ARAP2: variants seen among roughly 807,000 people sequenced by gnomAD.
ARAP2 encodes the protein ArfGAP with RhoGAP domain, ankyrin repeat and PH domain 2.
A neutral mutation model predicts 194.5 loss-of-function variants in ARAP2; 148 were observed. That is an observed-to-expected ratio of 0.76 (90% CI 0.67 to 0.87). The LOEUF is 0.87. ARAP2 is among the 40% of genes least tolerant of loss of function. The probability of loss-of-function intolerance (pLI) is 0.00; values close to 1 mark genes in which losing one functional copy is unlikely to be tolerated. For missense variants in ARAP2, 2,128 were observed against 1,989.7 expected (o/e 1.07, Z -1.32); for synonymous variants, 695 against 683.5 (o/e 1.02, Z -0.26).
At position 36,091,930 on chromosome 4, in the gene ARAP2, C is replaced by T. The variant is rs777066479; in HGVS notation, c.4376G>A (p.Arg1459Gln). The T allele has an allele frequency of 3.0e-5, 49 of 1,606,904 alleles. No homozygotes were observed. The highest frequency in any genetic ancestry group is 3.5e-5 in the Non-Finnish European group (41 of 1,174,998). Residue 1459 changes from arginine (R) to glutamine (Q), a missense_variant, in exon 28 of 33, where the codon CGG becomes CAG. Arg to Gln is a conservative substitution (Grantham distance 43). Transcript: ENST00000303965. ...KILSGNKFQD[R>Q]YFVLRDGFLF... ...AAACCCATCTCGTAAAACAAAATACCGGTCTTGAAACTTATTTCCAGATAG... is the reference window on the plus strand; with the variant it reads ...AAACCCATCTCGTAAAACAAAATACTGGTCTTGAAACTTATTTCCAGATAG...
At chr4:36,020,466 A>G (rs1222972084) in intron 5 of ARAP2, among the ~76,000 whole-genome samples, 7 of 152,112 alleles carry the variant, frequency 4.6e-5, no homozygotes, top group African/African-American at 9.7e-5. Context: ...CTACTAAGCA[A>G]CTAATGGGCA....
At position 36,244,247 on chromosome 4, in the gene ARAP2, C is replaced by G. The variant is rs1467729863; in HGVS notation, c.-228G>C. 6.6e-6 allele frequency: 1 copy of G among 152,032 alleles called. No individual in the cohort carries two copies. The highest frequency in any genetic ancestry group is 1.5e-5 in the Non-Finnish European group (1 of 67,976). The allele number at this position is 152,032 out of a possible 1,614,324, so 9.4% of individuals were successfully genotyped here. ...GCTGGGAAGCTCAGCGCCGGCGTCT[C>G]TCCCAGCCTTGGGCGCTCGGTCCTC... On this transcript the variant is annotated 5_prime_UTR_variant, in exon 1 of 33. Coordinates refer to ENST00000303965, the MANE Select transcript of ARAP2 (RefSeq NM_015230.4).
intron 2 of ARAP2, among the ~76,000 whole-genome samples, chr4:36,223,677 C>T (rs1353340795): frequency 6.6e-6 from 1 of 151,864 alleles, no homozygotes; most frequent in African/African-American, 2.4e-5. Flanking sequence ...GGCCCTGTTC[C>T]AATAGAACTG....
intron 31 of ARAP2, among the ~76,000 whole-genome samples, chr4:36,076,233 T>C (rs1226654135): frequency 1.3e-5 from 2 of 152,188 alleles, no homozygotes; most frequent in Admixed American, 1.3e-4. Context: ...TGCTGTATGA[T>C]GATTTTTAAT....
chr4:36,114,065 AT>A, intron 26 of ARAP2, 104 bp downstream of exon 26: 2 of 880,766 alleles, frequency 2.3e-6, no homozygotes, highest in Admixed American at 2.5e-5. Flanking sequence ...GGTAAAAAAA[AT>A]CATAACAAGA....
intron 6 of ARAP2, among the ~76,000 whole-genome samples, chr4:36,204,237 T>C (rs1266506557): frequency 6.6e-6 from 1 of 152,152 alleles, no homozygotes; most frequent in African/African-American, 2.4e-5. Flanking sequence ...ATGTATAAAG[T>C]ATCAAAAATG....
chr4:36,166,203 T>C (rs903493937), intron 10 of ARAP2, among the ~76,000 whole-genome samples: 2 of 152,140 alleles, frequency 1.3e-5, no homozygotes, highest in Non-Finnish European at 2.9e-5. Context: ...GTTAGTCCTT[T>C]AAAGGCCTAG....
chr4:36,229,019 T>C lies in ARAP2; in HGVS notation c.468A>G (p.Ala156=), dbSNP rs1438411775. 1 of 1,614,150 alleles carries C rather than the reference T, an allele frequency of 6.2e-7. No homozygotes were observed. The change falls in exon 2 of 33, where the codon GCA becomes GCG. Residue 156 remains alanine, a synonymous_variant. Transcript: ENST00000303965. ...LSPPKRDFPT[A]EEPHLNLGSL... ...AACCCAAATTCAGGTGTGGTTCCTC[T>C]GCAGTGGGGAAGTCGCGTTTAGGAG...
chr4:36,117,354 A>G (rs932581981), intron 24 of ARAP2, among the ~76,000 whole-genome samples: 1 of 151,652 alleles, frequency 6.6e-6, no homozygotes. Context: ...AACAACCACA[A>G]TGATTTTCTT....
intron 1 of ARAP2, among the ~76,000 whole-genome samples, chr4:36,238,536 T>G (rs1752867597): frequency 6.6e-6 from 1 of 152,206 alleles, no homozygotes; most frequent in Non-Finnish European, 1.5e-5. Context: ...ATAGTCTCCC[T>G]CTCCTTTGTC....
chr4:36,016,941 T>A (rs911899140), intron 6 of ARAP2, among the ~76,000 whole-genome samples: 5 of 152,136 alleles, frequency 3.3e-5, no homozygotes, highest in African/African-American at 1.2e-4. Context: ...AGAAATTTTC[T>A]ATTCTCGTAA....
chr4:36,033,107 C>T (rs1285702610), intron 5 of ARAP2, among the ~76,000 whole-genome samples: 1 of 152,158 alleles, frequency 6.6e-6, no homozygotes, highest in Non-Finnish European at 1.5e-5. Flanking sequence ...TATATCTTTG[C>T]TGTTGTAAAT....
At chr4:36,232,597 T>C (rs1234163806) in intron 1 of ARAP2, among the ~76,000 whole-genome samples, 1 of 152,254 alleles carries the variant, frequency 6.6e-6, no homozygotes, top group East Asian at 1.9e-4. Flanking sequence ...TTGTCAATTA[T>C]TTCCCTGAGG....
intron 11 of ARAP2, among the ~76,000 whole-genome samples, chr4:36,161,764 G>A (rs2109783346): frequency 8.5e-6 from 1 of 117,120 alleles, no homozygotes; most frequent in South Asian, 2.9e-4. Flanking sequence ...AATAAAAACA[G>A]CAGCAATCAT....
chr4:36,228,887 T>C lies in ARAP2; in HGVS notation c.600A>G (p.Lys200=). The C allele has an allele frequency of 2.5e-6, 4 of 1,614,034 alleles. No individual in the cohort carries two copies. The highest frequency in any genetic ancestry group is 3.4e-6 in the Non-Finnish European group (4 of 1,179,972). The change falls in exon 2 of 33, where the codon AAA becomes AAG. Residue 200 remains lysine (K), a synonymous_variant. Transcript: ENST00000303965. ...TVEEQQTEKV[K]LITENLSKLP... Reference sequence around the variant, plus strand: ...GCTTACTGAGATTTTCTGTGATCAATTTAACTTTTTCTGTTTGTTGTTCTT... The same window carrying C: ...GCTTACTGAGATTTTCTGTGATCAACTTAACTTTTTCTGTTTGTTGTTCTT...
intron 32 of ARAP2, among the ~76,000 whole-genome samples, chr4:36,072,445 T>C (rs1180999814): frequency 6.6e-6 from 1 of 152,096 alleles, no homozygotes; most frequent in Non-Finnish European, 1.5e-5. Flanking sequence ...TACTGGTTAA[T>C]GTATTTTGAT....
intron 28 of ARAP2, among the ~76,000 whole-genome samples, chr4:36,085,420 T>C (rs1711529069): frequency 6.6e-6 from 1 of 152,084 alleles, no homozygotes; most frequent in Non-Finnish European, 1.5e-5. Context: ...AATTTTTTTG[T>C]TGACAATTAT....
chr4:36,073,771 G>C lies in ARAP2; in HGVS notation c.4661C>G (p.Thr1554Ser). Residue 1554 changes from threonine to serine, a missense_variant, in exon 32 of 33, where the codon ACC (threonine) becomes AGC (serine). Physicochemically the swap from Thr to Ser is moderately conservative, Grantham distance 58. Coordinates refer to ENST00000303965, the MANE Select transcript of ARAP2 (RefSeq NM_015230.4). ...CAAACCTCCAATTTTGGGATTTTTGGTTATTGAACGTTTTCGTTCCTTTCC... is the reference window on the plus strand; with the variant it reads ...CAAACCTCCAATTTTGGGATTTTTGCTTATTGAACGTTTTCGTTCCTTTCC... Reference protein sequence around the residue: ...PAGKERKRSITKNPKIGGLPL... With the variant: ...PAGKERKRSISKNPKIGGLPL... 6.2e-7 allele frequency: 1 copy of C among 1,613,120 alleles called. No homozygotes were observed. The highest frequency in any genetic ancestry group is 2.2e-5 in the East Asian group (1 of 44,844).
intron 19 of ARAP2, among the ~76,000 whole-genome samples, chr4:36,142,452 G>A (rs148376288): frequency 1.0e-3 from 152 of 151,416 alleles, no homozygotes; most frequent in African/African-American, 3.5e-3. Context: ...CTTTGACAAA[G>A]TGACCTCACT....
Sources: gnomAD v4.1 joint callset for allele counts (sites outside exome capture counted in the v4.1 genomes callset) on GRCh38, gnomAD v4.1.1 for gene constraint, MANE v1.5 for transcripts, NCBI Gene and HGNC (gene_info 2026-07-23, HGNC 2026-07-21) for gene names.